GPC5: variants seen among roughly 807,000 people sequenced by gnomAD.
GPC5 encodes the protein glypican 5.
Under a neutral mutation model 53.9 loss-of-function variants are expected in GPC5, and 47 were observed. That is an observed-to-expected ratio of 0.87 (90% CI 0.69 to 1.11). The LOEUF (loss-of-function observed/expected upper bound fraction) is 1.11. Among genes scored for constraint, GPC5 ranks in the 50% most tolerant of loss-of-function variants. GPC5 has a pLI of 0.00. For missense variants in GPC5, 748 were observed against 713.1 expected, an observed-to-expected ratio of 1.05 and a Z score of -0.56; for synonymous variants, 286 against 263.3, an observed-to-expected ratio of 1.09 and a Z score of -0.84.
intron 7 of GPC5, among the ~76,000 whole-genome samples, chr13:92,162,968 C>G (rs961724024): frequency 1.3e-5 from 2 of 151,932 alleles, no homozygotes; most frequent in East Asian, 3.9e-4. Flanking sequence ...TTTTCATAGA[C>G]TATGAGCTTC....
intron 2 of GPC5, among the ~76,000 whole-genome samples, chr13:91,630,829 TC>T (rs2034138235): frequency 6.6e-6 from 1 of 151,970 alleles, no homozygotes; most frequent in African/African-American, 2.4e-5. Flanking sequence ...AGAAGGTTTT[TC>T]TTTTGTTTTT....
At chr13:91,979,806 G>A (rs1369998966) in intron 6 of GPC5, among the ~76,000 whole-genome samples, 4 of 121,672 alleles carry the variant, frequency 3.3e-5, no homozygotes, top group Non-Finnish European at 7.8e-5. Context: ...TGCAGCAACA[G>A]CACTTATTAT....
chr13:92,364,684 C>T (rs979548804), intron 7 of GPC5, among the ~76,000 whole-genome samples: 2 of 151,676 alleles, frequency 1.3e-5, no homozygotes, highest in Non-Finnish European at 2.9e-5. Flanking sequence ...GAGCCTAGAT[C>T]GCGCCACTGC....
At chr13:91,818,351 A>G (rs1409992500) in intron 5 of GPC5, among the ~76,000 whole-genome samples, 1 of 152,226 alleles carries the variant, frequency 6.6e-6, no homozygotes, top group Non-Finnish European at 1.5e-5. Context: ...CACTGATAGC[A>G]AATAACACCC....
intron 7 of GPC5, among the ~76,000 whole-genome samples, chr13:92,330,348 T>A (rs2043280284): frequency 6.6e-6 from 1 of 152,174 alleles, no homozygotes; most frequent in Non-Finnish European, 1.5e-5. Context: ...AATAATAACA[T>A]CTCTGGTCAT....
chr13:92,203,905 C>A (rs1488161815), intron 7 of GPC5, among the ~76,000 whole-genome samples: 1 of 151,458 alleles, frequency 6.6e-6, no homozygotes, highest in Non-Finnish European at 1.5e-5. Flanking sequence ...AATAAAAAGC[C>A]TCTTCTTTCT....
intron 7 of GPC5, among the ~76,000 whole-genome samples, chr13:92,830,939 G>GT (rs1230441933): frequency 6.6e-6 from 1 of 152,072 alleles, no homozygotes; most frequent in Non-Finnish European, 1.5e-5. Flanking sequence ...ATAGTTTTCT[G>GT]TTTCAGAGCA....
chr13:91,910,185 C>T (rs1378003393), intron 6 of GPC5, among the ~76,000 whole-genome samples: 1 of 152,158 alleles, frequency 6.6e-6, no homozygotes, highest in Non-Finnish European at 1.5e-5. Context: ...AAACTGCTCT[C>T]CTGGAGATGA....
chr13:92,836,842 T>C lies in GPC5; in HGVS notation c.1562-29440T>C, dbSNP rs571118349. Among the ~76,000 whole-genome samples the C allele has an allele frequency of 2.0e-5, 3 of 152,194 alleles. No homozygotes were observed. The South Asian group carries it at 6.2e-4, about 32-fold the overall frequency. On this transcript the variant is annotated intron_variant, in intron 7 of 7. Coordinates refer to ENST00000377067, the MANE Select transcript of GPC5 (RefSeq NM_004466.6). ...TGGAAATTATAATGAAAACTACTGT[T>C]ATTCCAAATCTCTTTTGGAAAGTAA...
chr13:92,692,618 C>G (rs1413055654), intron 7 of GPC5, among the ~76,000 whole-genome samples: 1 of 151,472 alleles, frequency 6.6e-6, no homozygotes, highest in South Asian at 2.1e-4. Flanking sequence ...CAGCATGGCA[C>G]ATGTATACAT....
intron 6 of GPC5, among the ~76,000 whole-genome samples, chr13:91,942,101 C>T (rs897323369): frequency 6.6e-6 from 1 of 152,050 alleles, no homozygotes; most frequent in Non-Finnish European, 1.5e-5. Flanking sequence ...TTCAAGTATA[C>T]AATACCATAC....
rs548220079 is a variant in GPC5, at chr13:91,668,867, G to A, written c.326-24320G>A. On this transcript the variant is annotated intron_variant, in intron 2 of 7. Transcript: ENST00000377067. ...TTCTATATCTTTGTAAATGAATTCA[G>A]TAATTGCAGTGGCATTTTCTAACAA... Among the ~76,000 whole-genome samples, 92 of 152,230 alleles carry A rather than the reference G, an allele frequency of 6.0e-4. No homozygotes were observed. The South Asian group carries it at 0.018, about 30-fold the overall frequency.
intron 7 of GPC5, among the ~76,000 whole-genome samples, chr13:92,550,624 G>T (rs937952283): frequency 2.6e-5 from 4 of 151,682 alleles, no homozygotes; most frequent in Admixed American, 2.0e-4. Flanking sequence ...TAAAAAACTT[G>T]TTTGGAATCT....
intron 7 of GPC5, among the ~76,000 whole-genome samples, chr13:92,285,548 G>T (rs1287457326): frequency 6.6e-6 from 1 of 152,090 alleles, no homozygotes; most frequent in African/African-American, 2.4e-5. Flanking sequence ...CAGAGATATA[G>T]ACCAATGGAA....
At chr13:92,255,053 A>G (rs1332175845) in intron 7 of GPC5, among the ~76,000 whole-genome samples, 2 of 152,246 alleles carry the variant, frequency 1.3e-5, no homozygotes, top group Non-Finnish European at 2.9e-5. Context: ...ATTAGCTATT[A>G]TAAGTAATTT....
At chr13:92,769,352 C>A (rs1268319908) in intron 7 of GPC5, among the ~76,000 whole-genome samples, 1 of 151,976 alleles carries the variant, frequency 6.6e-6, no homozygotes, top group Non-Finnish European at 1.5e-5. Context: ...ACTGCAATGT[C>A]ATTTGTCTTC....
At chr13:92,842,989 T>A (rs1878483046) in intron 7 of GPC5, among the ~76,000 whole-genome samples, 1 of 152,180 alleles carries the variant, frequency 6.6e-6, no homozygotes, top group South Asian at 2.1e-4. Context: ...TATTAACTGC[T>A]TCAACAAGTA....
chr13:92,091,150 T>G (rs899622196), intron 6 of GPC5, among the ~76,000 whole-genome samples: 2 of 152,114 alleles, frequency 1.3e-5, no homozygotes, highest in Admixed American at 1.3e-4. Flanking sequence ...TAAGACACCA[T>G]GACAATATAA....
At chr13:91,563,783 A>G (rs909762537) in intron 2 of GPC5, among the ~76,000 whole-genome samples, 9 of 151,392 alleles carry the variant, frequency 5.9e-5, no homozygotes, top group African/African-American at 2.2e-4. Flanking sequence ...CTTCACTCTG[A>G]CCAATTCCTT....
Sources: gnomAD v4.1 joint callset for allele counts (sites outside exome capture counted in the v4.1 genomes callset) on GRCh38, gnomAD v4.1.1 for gene constraint, MANE v1.5 for transcripts, NCBI Gene and HGNC (gene_info 2026-07-23, HGNC 2026-07-21) for gene names.